Variants in CIT observed in about 807,000 individuals in gnomAD.
CIT encodes the protein citron Rho-interacting kinase.
Under a neutral mutation model 272.7 loss-of-function variants are expected in CIT, and 79 were observed. That is an observed-to-expected ratio of 0.29 (90% CI 0.24 to 0.35). CIT has a LOEUF of 0.35. CIT is among the 10% of genes least tolerant of loss of function. The pLI, the probability that CIT is intolerant of heterozygous loss-of-function variation, is 1.00. For missense variants in CIT, 1,909 were observed against 2,618.3 expected, an observed-to-expected ratio of 0.73 and a Z score of 5.91; for synonymous variants, 948 against 995.6, an observed-to-expected ratio of 0.95 and a Z score of 0.90.
chr12:119,712,528 G>A lies in CIT; in HGVS notation c.4684+63C>T. ...CAATCTTCCCTGTACCACCCCTTCTGTCCCTGCTGATTGGCCAAGCCCGGC... is the reference window on the plus strand; with the variant it reads ...CAATCTTCCCTGTACCACCCCTTCTATCCCTGCTGATTGGCCAAGCCCGGC... On this transcript the variant is annotated intron_variant, in intron 36 of 47. Transcript: ENST00000392521. This position sits in a 1 kb window ranked among gnomAD's most constrained non-coding sequence, Gnocchi z 5.2. 1.3e-6 allele frequency: 2 copies of A among 1,495,574 alleles called. No individual in the cohort carries two copies. Among genetic ancestry groups the A allele is most frequent in the South Asian group, 2.3e-5 (2 of 87,780 alleles). The allele number at this position is 1,495,574 out of a possible 1,614,324, so 92.6% of individuals were successfully genotyped here. A position where few individuals can be genotyped will look rare whatever the true frequency, so the allele number is the denominator to read the frequency against.
At chr12:119,709,596 A>C (rs965379293) in intron 39 of CIT, among the ~76,000 whole-genome samples, 1 of 152,154 alleles carries the variant, frequency 6.6e-6, no homozygotes, top group Non-Finnish European at 1.5e-5. Flanking sequence ...TGTTTTGAAC[A>C]CTGAATCGAT....
chr12:119,809,673 C>T (rs1245190563), intron 9 of CIT, among the ~76,000 whole-genome samples: 4 of 152,196 alleles, frequency 2.6e-5, no homozygotes, highest in African/African-American at 9.7e-5. Context: ...TTTCCTCTGC[C>T]TTGTCTGATT....
intron 22 of CIT, among the ~76,000 whole-genome samples, chr12:119,754,212 G>A (rs1359713646): frequency 1.3e-5 from 2 of 152,206 alleles, no homozygotes; most frequent in African/African-American, 2.4e-5. Flanking sequence ...TGAGAGATTA[G>A]GTAACTGAGC....
chr12:119,825,528 G>A (rs1019513847), intron 7 of CIT, among the ~76,000 whole-genome samples, 160 bp from the exon 8 acceptor site: 5 of 128,454 alleles, frequency 3.9e-5, no homozygotes, highest in South Asian at 2.8e-4. Flanking sequence ...AAATGCAAAC[G>A]CTTTACTAAT....
chr12:119,825,499 CA>C, intron 7 of CIT, 131 bp from the exon 8 acceptor site: 1 of 699,106 alleles, frequency 1.4e-6, no homozygotes, highest in Non-Finnish European at 2.3e-6. Context: ...AACCAGCTGT[CA>C]AGTGGCACAC....
chr12:119,820,071 C>A lies in CIT; in HGVS notation c.1111+2749G>T, dbSNP rs1033994889. Among the ~76,000 whole-genome samples the A allele has an allele frequency of 7.2e-5, 11 of 152,166 alleles. No individual in the cohort carries two copies. In the East Asian group the frequency reaches 7.7e-4, roughly 11 times the overall value. On this transcript the variant is annotated intron_variant, in intron 9 of 47. Coordinates refer to ENST00000392521, the MANE Select transcript of CIT (RefSeq NM_001206999.2). Reference sequence around the variant, plus strand: ...TAAGTATCTAAACTAGGACCAGTCCCATCAAATATAAACACCCTAACTGCA... The same window carrying A: ...TAAGTATCTAAACTAGGACCAGTCCAATCAAATATAAACACCCTAACTGCA...
rs755638430 is a variant in CIT, at chr12:119,782,608, C to A, written c.1575G>T (p.Arg525=). ...TGTCATCCTCCTGGGACACCTCCAT[C>A]CGTGCTTGCTCCAAACTTCGCTTTA... is the stretch of plus-strand genomic sequence containing the variant. ...SSLKRSLEQA[R]MEVSQEDDKA... Residue 525 remains arginine, a synonymous_variant, in exon 13 of 48, where the codon CGG becomes CGT. Transcript: ENST00000392521. 6.2e-6 allele frequency: 10 copies of A among 1,614,182 alleles called. No homozygotes were observed. In the South Asian group the frequency reaches 1.1e-4, roughly 18 times the overall value.
rs537322826 is a variant in CIT at position 119,861,517 on chromosome 12, G to A, written c.239-3819C>T. The stretch of plus-strand genomic sequence containing the variant: ...CAGGAGAATCGCTTGAACCTGGGAG[G>A]CAGAGGTTGCAGTGAGCCGAGATCG... On this transcript the variant is annotated intron_variant, in intron 3 of 47. Transcript: ENST00000392521. Among the ~76,000 whole-genome samples, 4 of 151,254 alleles carry A rather than the reference G, an allele frequency of 2.6e-5. No homozygotes were observed. The South Asian group carries it at 8.4e-4, about 32-fold the overall frequency.
chr12:119,717,213 C>T (rs940817799), intron 32 of CIT, among the ~76,000 whole-genome samples: 17 of 151,942 alleles, frequency 1.1e-4, no homozygotes, highest in African/African-American at 3.9e-4. Flanking sequence ...CCACCACACC[C>T]GGCTAATTTT....
At chr12:119,849,420 C>G (rs1052880049) in intron 5 of CIT, among the ~76,000 whole-genome samples, 3 of 151,884 alleles carry the variant, frequency 2.0e-5, no homozygotes, top group African/African-American at 4.8e-5. Flanking sequence ...AAGCGAGACT[C>G]TGTCTCAAAA....
At chr12:119,758,004 C>T (rs1243610911) in intron 21 of CIT, among the ~76,000 whole-genome samples, 2 of 152,124 alleles carry the variant, frequency 1.3e-5, no homozygotes, top group Non-Finnish European at 2.9e-5. Flanking sequence ...CAGCAAACTG[C>T]TTAGAAGTAT....
chr12:119,697,574 C>T lies in CIT; in HGVS notation c.5882+85G>A. ...TAAGAACAAAGTGAAGATTGGGAAA[C>T]ATTCTACTGGTTTAGTATCACTTCC... On this transcript the variant is annotated intron_variant, in intron 46 of 47. Coordinates refer to ENST00000392521, the MANE Select transcript of CIT (RefSeq NM_001206999.2). The surrounding 1 kb of genome is among the most constrained non-coding windows in gnomAD (Gnocchi z 4.9). 1.5e-6 allele frequency: 2 copies of T among 1,353,190 alleles called. No individual in the cohort carries two copies. The highest frequency in any genetic ancestry group is 1.0e-6 in the Non-Finnish European group (1 of 984,896). The allele number at this position is 1,353,190 out of a possible 1,614,324, so 83.8% of individuals were successfully genotyped here.
Position 119,728,486 on chromosome 12 carries a change from G to T in CIT, c.3591+16C>A. 6.5e-7 allele frequency: 1 copy of T among 1,538,304 alleles called. No homozygotes were observed. Among genetic ancestry groups the T allele is most frequent in the Non-Finnish European group, 8.9e-7 (1 of 1,129,124 alleles). ...AAAAATCCACTTGGCCCTTCTCCCAGGTATTTCACACTCACCTCTTCCAGA... is the reference window on the plus strand; with the variant it reads ...AAAAATCCACTTGGCCCTTCTCCCATGTATTTCACACTCACCTCTTCCAGA... On this transcript the variant is annotated intron_variant, in intron 28 of 47. Coordinates refer to ENST00000392521, the MANE Select transcript of CIT (RefSeq NM_001206999.2). The surrounding 1 kb of genome is among the most constrained non-coding windows in gnomAD (Gnocchi z 4.3).
intron 24 of CIT, among the ~76,000 whole-genome samples, chr12:119,741,041 C>T (rs1032970899): frequency 1.3e-5 from 2 of 152,018 alleles, no homozygotes; most frequent in African/African-American, 4.8e-5. Context: ...CCTTGTGTAA[C>T]GGGGTTTCCT....
intron 3 of CIT, among the ~76,000 whole-genome samples, chr12:119,864,206 G>T (rs921475530): frequency 2.6e-5 from 4 of 151,934 alleles, no homozygotes; most frequent in African/African-American, 7.2e-5. Flanking sequence ...TATCTATAGT[G>T]AATATAGCTC....
At chr12:119,733,779 T>A (rs1255867177) in intron 26 of CIT, among the ~76,000 whole-genome samples, 2 of 151,930 alleles carry the variant, frequency 1.3e-5, no homozygotes, top group Admixed American at 6.6e-5. Context: ...GTGCCAAGGT[T>A]GAGGAACCCT....
chr12:119,792,093 C>T (rs1965359284), intron 10 of CIT, among the ~76,000 whole-genome samples: 1 of 152,202 alleles, frequency 6.6e-6, no homozygotes, highest in Non-Finnish European at 1.5e-5. Context: ...TGTACTCCTT[C>T]CTACAAGCAA....
At chr12:119,780,595 T>G (rs749468939) in intron 13 of CIT, among the ~76,000 whole-genome samples, 3 of 152,000 alleles carry the variant, frequency 2.0e-5, no homozygotes, top group Non-Finnish European at 4.4e-5. Context: ...CCAGCCTGGG[T>G]GACAGAGCGA....
chr12:119,772,996 AGAAC>A, intron 16 of CIT, 86 bp from the exon 17 acceptor site: 1 of 1,145,124 alleles, frequency 8.7e-7, no homozygotes, highest in South Asian at 2.7e-5. Context: ...CATGTATCCC[AGAAC>A]TTAAAGTATA....
Sources: gnomAD v4.1 joint callset for allele counts (sites outside exome capture counted in the v4.1 genomes callset) on GRCh38, gnomAD v4.1.1 for gene constraint, Gnocchi (gnomAD v3.1) non-coding constraint, MANE v1.5 for transcripts, NCBI Gene and HGNC (gene_info 2026-07-23, HGNC 2026-07-21) for gene names.